Variants in SPMIP2 observed in about 807,000 individuals in gnomAD.
The protein encoded by SPMIP2 is protein SPMIP2.
the SPMIP2 span, among the ~76,000 whole-genome samples, chr4:159,051,372 C>T: frequency 6.6e-6 from 1 of 152,110 alleles, no homozygotes. Flanking sequence ...AATCTAATAC[C>T]ACCAGACTGT....
chr4:159,069,319 G>C, the SPMIP2 span, among the ~76,000 whole-genome samples: 1 of 151,974 alleles, frequency 6.6e-6, no homozygotes, highest in Non-Finnish European at 1.5e-5. Flanking sequence ...AAACAAACAA[G>C]AAACAATTAA....
At chr4:158,995,944 A>T in the SPMIP2 span, among the ~76,000 whole-genome samples, 11 of 151,012 alleles carry the variant, frequency 7.3e-5, no homozygotes, top group African/African-American at 2.4e-4. Context: ...GTACAATTTG[A>T]TCTGTTTCAT....
chr4:159,010,171 A>G, the SPMIP2 span, among the ~76,000 whole-genome samples: 36,045 of 152,012 alleles, frequency 0.24, 4,508 homozygotes, highest in Non-Finnish European at 0.27. Flanking sequence ...TCACATAAAT[A>G]CAGCCCTAAA....
chr4:158,903,507 G>C, the SPMIP2 span, among the ~76,000 whole-genome samples: 1 of 152,158 alleles, frequency 6.6e-6, no homozygotes, highest in Non-Finnish European at 1.5e-5. Flanking sequence ...CCTTACAGGT[G>C]TGCATCAACA....
the SPMIP2 span, among the ~76,000 whole-genome samples, chr4:159,050,601 G>A: frequency 6.6e-6 from 1 of 151,956 alleles, no homozygotes; most frequent in Non-Finnish European, 1.5e-5. Context: ...CCAGGAGTTC[G>A]AGACCAGCCT....
chr4:159,060,017 A>T, the SPMIP2 span, among the ~76,000 whole-genome samples: 1 of 152,156 alleles, frequency 6.6e-6, no homozygotes, highest in East Asian at 1.9e-4. Flanking sequence ...AGGGCACAGA[A>T]TGGTGAGTCC....
the SPMIP2 span, among the ~76,000 whole-genome samples, chr4:158,940,654 T>C: frequency 1.3e-5 from 2 of 151,864 alleles, no homozygotes; most frequent in South Asian, 4.2e-4. Flanking sequence ...AAGGTGGAAT[T>C]AATGTTTCTT....
the SPMIP2 span, among the ~76,000 whole-genome samples, chr4:159,033,479 A>G: frequency 8.6e-3 from 1,308 of 152,356 alleles, 17 homozygotes; most frequent in African/African-American, 0.029. Context: ...ACGAGATTGT[A>G]GGATTTCAGG....
chr4:158,928,711 A>G, the SPMIP2 span, among the ~76,000 whole-genome samples: 1 of 152,260 alleles, frequency 6.6e-6, no homozygotes, highest in Non-Finnish European at 1.5e-5. Flanking sequence ...GCTTTTTGCA[A>G]TAAATCTTGC....
the SPMIP2 span, among the ~76,000 whole-genome samples, chr4:159,070,061 TAAC>T: frequency 8.7e-4 from 132 of 151,840 alleles, no homozygotes; most frequent in Non-Finnish European, 1.1e-3. Flanking sequence ...TTTTTTTTTG[TAAC>T]AACAATTACT....
At chr4:159,082,581 G>C in the SPMIP2 span, among the ~76,000 whole-genome samples, 1 of 151,354 alleles carries the variant, frequency 6.6e-6, no homozygotes, top group Non-Finnish European at 1.5e-5. Context: ...GGTTAAGAAA[G>C]GCATTTGATG....
chr4:158,906,264 C>T, the SPMIP2 span: 6 of 152,272 alleles, frequency 3.9e-5, no homozygotes, highest in African/African-American at 1.2e-4. Flanking sequence ...ACCCCACATC[C>T]GTTTCTCATT....
chr4:158,999,745 G>A, the SPMIP2 span, among the ~76,000 whole-genome samples: 1 of 152,172 alleles, frequency 6.6e-6, no homozygotes, highest in Non-Finnish European at 1.5e-5. Flanking sequence ...CACTTAGCTT[G>A]TAAAATGGAT....
At chr4:159,073,804 C>G in the SPMIP2 span, among the ~76,000 whole-genome samples, 1 of 152,134 alleles carries the variant, frequency 6.6e-6, no homozygotes, top group African/African-American at 2.4e-5. Context: ...GAGTTCAAGA[C>G]CAGCCTGGCC....
the SPMIP2 span, among the ~76,000 whole-genome samples, chr4:159,077,704 T>C: frequency 6.6e-6 from 1 of 152,188 alleles, no homozygotes; most frequent in Non-Finnish European, 1.5e-5. Flanking sequence ...CAAAGTCCCA[T>C]TGGTTAATTC....
At chr4:159,019,833 C>T in the SPMIP2 span, among the ~76,000 whole-genome samples, 1 of 152,146 alleles carries the variant, frequency 6.6e-6, no homozygotes, top group African/African-American at 2.4e-5. Context: ...ATCTGGCCTG[C>T]TGGGTTTGCT....
At chr4:159,010,805 T>C in the SPMIP2 span, among the ~76,000 whole-genome samples, 28 of 152,088 alleles carry the variant, frequency 1.8e-4, no homozygotes, top group African/African-American at 6.5e-4. Context: ...CACCAACCTA[T>C]TGCATAATGT....
the SPMIP2 span, among the ~76,000 whole-genome samples, chr4:159,015,694 T>TA: frequency 1.3e-5 from 2 of 152,220 alleles, no homozygotes; most frequent in Non-Finnish European, 2.9e-5. Flanking sequence ...ATATGAATAA[T>TA]ATCACTTCTC....
chr4:158,908,188 T>A, the SPMIP2 span: 1 of 152,092 alleles, frequency 6.6e-6, no homozygotes, highest in Non-Finnish European at 1.5e-5. Flanking sequence ...GCAGGGACAT[T>A]TTTGGTTAGC....
Sources: gnomAD v4.1 joint callset for allele counts (sites outside exome capture counted in the v4.1 genomes callset) on GRCh38, gnomAD v4.1.1 for gene constraint, MANE v1.5 for transcripts, NCBI Gene and HGNC (gene_info 2026-07-23, HGNC 2026-07-21) for gene names.